Variants in UBE2E2 observed in about 807,000 individuals in gnomAD.
The protein encoded by UBE2E2 is ubiquitin-conjugating enzyme E2 E2.
In UBE2E2, 6 loss-of-function variants were observed where a neutral mutation model predicts 24.7. The observed-to-expected ratio is 0.24, with a 90% CI of 0.13 to 0.48. The LOEUF (loss-of-function observed/expected upper bound fraction) is 0.48, where lower values mean the gene tolerates loss of function less well. Ranked by LOEUF, UBE2E2 falls within the 20% of genes least tolerant of loss-of-function variation. The probability of loss-of-function intolerance (pLI) is 0.99; values close to 1 mark genes in which losing one functional copy is unlikely to be tolerated. For missense variants in UBE2E2, 169 were observed against 245.0 expected (o/e 0.69, Z 2.07); for synonymous variants, 104 against 83.6 (o/e 1.24, Z -1.33).
At chr3:23,568,436 A>C (rs1696128616) in intron 5 of UBE2E2, among the ~76,000 whole-genome samples, 1 of 151,608 alleles carries the variant, frequency 6.6e-6, no homozygotes, top group Non-Finnish European at 1.5e-5. Context: ...TATTATTATC[A>C]TTTTTTCTTT....
chr3:23,353,768 T>C (rs1695840644), intron 3 of UBE2E2, among the ~76,000 whole-genome samples: 1 of 152,166 alleles, frequency 6.6e-6, no homozygotes, highest in Non-Finnish European at 1.5e-5. Context: ...CATTCCATGC[T>C]CATGGGTAGG....
At chr3:23,417,128 G>A (rs867064429) in intron 3 of UBE2E2, among the ~76,000 whole-genome samples, 2 of 152,162 alleles carry the variant, frequency 1.3e-5, no homozygotes, top group South Asian at 2.1e-4. Flanking sequence ...AGGAGAAGAG[G>A]CTTTCTGGTT....
At chr3:23,565,614 A>G (rs1466383948) in intron 5 of UBE2E2, among the ~76,000 whole-genome samples, 1 of 151,978 alleles carries the variant, frequency 6.6e-6, no homozygotes, top group Non-Finnish European at 1.5e-5. Flanking sequence ...TGGGATTTCC[A>G]CCTAGGGAGG....
At chr3:23,308,236 T>C (rs55968728) in intron 3 of UBE2E2, among the ~76,000 whole-genome samples, 19,788 of 152,250 alleles carry the variant, frequency 0.13, 1,729 homozygotes, top group Middle Eastern at 0.21. Flanking sequence ...GAAATATGTG[T>C]AGTAACTAGA....
intron 3 of UBE2E2, among the ~76,000 whole-genome samples, chr3:23,441,320 C>A (rs551999487): frequency 1.4e-5 from 2 of 143,788 alleles, no homozygotes; most frequent in African/African-American, 5.2e-5. Flanking sequence ...GTCATGAGAT[C>A]GAGACCGTCC....
intron 3 of UBE2E2, among the ~76,000 whole-genome samples, chr3:23,396,219 T>C (rs111852834): frequency 9.4e-4 from 142 of 150,536 alleles, no homozygotes; most frequent in African/African-American, 3.2e-3. Flanking sequence ...TTCCAGAAGA[T>C]AGAATATCTT....
At chr3:23,254,651 A>G (rs1241914788) in intron 3 of UBE2E2, among the ~76,000 whole-genome samples, 1 of 152,166 alleles carries the variant, frequency 6.6e-6, no homozygotes, top group Non-Finnish European at 1.5e-5. Flanking sequence ...GTGTTGTTCT[A>G]ATGGAAATTA....
intron 3 of UBE2E2, among the ~76,000 whole-genome samples, chr3:23,265,749 T>G (rs1455876491): frequency 6.6e-6 from 1 of 152,178 alleles, no homozygotes; most frequent in Admixed American, 6.5e-5. Flanking sequence ...AGTGGGGTGT[T>G]AAAGTCTCCC....
At chr3:23,344,119 TC>T (rs1695479049) in intron 3 of UBE2E2, among the ~76,000 whole-genome samples, 1 of 152,222 alleles carries the variant, frequency 6.6e-6, no homozygotes, top group Non-Finnish European at 1.5e-5. Context: ...TGATTTTTTT[TC>T]AGTCCTGATT....
At chr3:23,398,339 A>G (rs950926672) in intron 3 of UBE2E2, among the ~76,000 whole-genome samples, 1 of 141,886 alleles carries the variant, frequency 7.0e-6, no homozygotes, top group African/African-American at 2.7e-5. Flanking sequence ...AAAAACTTGG[A>G]AAGTGGGATT....
At chr3:23,453,987 T>C (rs2125418775) in intron 3 of UBE2E2, among the ~76,000 whole-genome samples, 1 of 152,282 alleles carries the variant, frequency 6.6e-6, no homozygotes, top group African/African-American at 2.4e-5. Context: ...TACTCTTTAA[T>C]TTTACAGAAG....
chr3:23,304,056 T>C (rs1221911827), intron 3 of UBE2E2, among the ~76,000 whole-genome samples: 1 of 152,226 alleles, frequency 6.6e-6, no homozygotes, highest in East Asian at 1.9e-4. Context: ...ATTTCATTTC[T>C]GCTCTTGAAC....
chr3:23,538,726 A>C (rs1695321460), intron 5 of UBE2E2, among the ~76,000 whole-genome samples: 1 of 152,152 alleles, frequency 6.6e-6, no homozygotes, highest in Non-Finnish European at 1.5e-5. Flanking sequence ...TTGTGAATTA[A>C]AGAAGATATA....
At chr3:23,263,693 A>G (rs754362580) in intron 3 of UBE2E2, among the ~76,000 whole-genome samples, 1 of 152,240 alleles carries the variant, frequency 6.6e-6, no homozygotes, top group Non-Finnish European at 1.5e-5. Flanking sequence ...GCTTATCAAA[A>G]GATCATTTCA....
At chr3:23,418,448 G>C (rs1163731546) in intron 3 of UBE2E2, among the ~76,000 whole-genome samples, 1 of 152,144 alleles carries the variant, frequency 6.6e-6, no homozygotes, top group African/African-American at 2.4e-5. Context: ...CTTCCGTGTT[G>C]ATCTTGCTGG....
intron 3 of UBE2E2, among the ~76,000 whole-genome samples, chr3:23,321,065 C>T (rs1694725315): frequency 6.6e-6 from 1 of 152,230 alleles, no homozygotes; most frequent in Non-Finnish European, 1.5e-5. Flanking sequence ...CATTCCTTGG[C>T]TTGTATCTGC....
Position 23,575,109 on chromosome 3 carries a change from C to T in UBE2E2, c.509-14625C>T, listed in dbSNP as rs187742762. On this transcript the variant is annotated intron_variant, in intron 5 of 5. Transcript: ENST00000396703. ...TTTAACATGTGGTGGCTGCTCTTCTCTCTCATTTTGAACATTTGTGTGAAT... is the reference window on the plus strand; with the variant it reads ...TTTAACATGTGGTGGCTGCTCTTCTTTCTCATTTTGAACATTTGTGTGAAT... Among the ~76,000 whole-genome samples, 4 of 152,306 alleles carry T rather than the reference C, an allele frequency of 2.6e-5. No individual in the cohort carries two copies. The East Asian group carries it at 5.8e-4, about 22-fold the overall frequency.
chr3:23,567,123 T>A (rs1225889083), intron 5 of UBE2E2, among the ~76,000 whole-genome samples: 2 of 152,186 alleles, frequency 1.3e-5, no homozygotes, highest in Admixed American at 1.3e-4. Context: ...CTTCTATAAC[T>A]AAAACAAGCC....
At chr3:23,348,357 AAAAAAAAG>A (rs1229077794) in intron 3 of UBE2E2, among the ~76,000 whole-genome samples, 1 of 151,934 alleles carries the variant, frequency 6.6e-6, no homozygotes, top group African/African-American at 2.4e-5. Context: ...CAAAAAAAAA[AAAAAAAAG>A]AATAGTCCAT....
Sources: gnomAD v4.1 joint callset for allele counts (sites outside exome capture counted in the v4.1 genomes callset) on GRCh38, gnomAD v4.1.1 for gene constraint, MANE v1.5 for transcripts, NCBI Gene and HGNC (gene_info 2026-07-23, HGNC 2026-07-21) for gene names.